Variants in EML4 observed in about 807,000 individuals in gnomAD.
EML4 encodes the protein echinoderm microtubule-associated protein-like 4.
A neutral mutation model predicts 129.0 loss-of-function variants in EML4; 72 were observed. The ratio of observed to expected loss-of-function variants is 0.56; its 90% CI spans 0.46 to 0.68. The LOEUF (loss-of-function observed/expected upper bound fraction) is 0.68, where lower values mean the gene tolerates loss of function less well. EML4 is among the 30% of genes least tolerant of loss of function. The pLI, the probability that EML4 is intolerant of heterozygous loss-of-function variation, is 0.00. For missense variants in EML4, 1,363 were observed against 1,190.6 expected, an observed-to-expected ratio of 1.14 and a Z score of -2.13; for synonymous variants, 532 against 405.0, an observed-to-expected ratio of 1.31 and a Z score of -3.77.
chr2:42,245,700 T>C lies in EML4; in HGVS notation c.208+13T>C. On this transcript the variant is annotated intron_variant, in intron 2 of 22. Transcript: ENST00000318522. ...GTCTCAAGTAAAGGTAATTGTGTTG[T>C]AAAGTTAAAAAGAGTCTTGCTTTTT... 1 of 1,579,298 alleles carries C rather than the reference T, an allele frequency of 6.3e-7. No homozygotes were observed. Among genetic ancestry groups the C allele is most frequent in the Non-Finnish European group, 8.6e-7 (1 of 1,165,684 alleles).
intron 1 of EML4, among the ~76,000 whole-genome samples, chr2:42,205,123 TA>T (rs1458171208): frequency 6.6e-6 from 1 of 152,184 alleles, no homozygotes; most frequent in Non-Finnish European, 1.5e-5. Flanking sequence ...TTATTGGAAA[TA>T]AAATGAAGGG....
Position 42,222,321 on chromosome 2 carries a change from G to A in EML4, c.26-23184G>A, listed in dbSNP as rs371799463. ...GGTTGACAAACTTTAGCACTTTATG[G>A]CAAAATTCACTGTTTTGTATCCTGT... On this transcript the variant is annotated intron_variant, in intron 1 of 22. Transcript: ENST00000318522. Among the ~76,000 whole-genome samples the A allele has an allele frequency of 7.9e-5, 12 of 151,888 alleles. No homozygotes were observed. The East Asian group carries it at 1.7e-3, about 22-fold the overall frequency.
At chr2:42,187,677 A>T (rs2719132) in intron 1 of EML4, among the ~76,000 whole-genome samples, 98,898 of 149,664 alleles carry the variant, frequency 0.66, 32,803 homozygotes, top group East Asian at 0.74. Flanking sequence ...CATTTTTTTT[A>T]AAAAAAAATG....
At chr2:42,218,316 A>G (rs970720833) in intron 1 of EML4, among the ~76,000 whole-genome samples, 1 of 151,842 alleles carries the variant, frequency 6.6e-6, no homozygotes, top group African/African-American at 2.4e-5. Context: ...TTGCAGGAAA[A>G]CAAGCTCAGG....
intron 1 of EML4, among the ~76,000 whole-genome samples, chr2:42,173,084 G>A (rs1329565864): frequency 6.6e-6 from 1 of 152,114 alleles, no homozygotes; most frequent in African/African-American, 2.4e-5. Context: ...CAACATTCTG[G>A]GTACAGGTTG....
chr2:42,221,730 G>C (rs1335899664), intron 1 of EML4, among the ~76,000 whole-genome samples: 1 of 151,586 alleles, frequency 6.6e-6, no homozygotes, highest in Non-Finnish European at 1.5e-5. Flanking sequence ...CAGCCTCCTC[G>C]GTAGCTGGGA....
At chr2:42,282,778 T>C in intron 7 of EML4, 45 bp from the exon 8 acceptor site, 1 of 1,565,440 alleles carries the variant, frequency 6.4e-7, no homozygotes, top group East Asian at 2.2e-5. Context: ...TGTTAACAAC[T>C]TGAAAACTGT....
In EML4 at chr2:42,179,641, C is replaced by T. The variant is rs146180554; in HGVS notation, c.25+10005C>T. Among the ~76,000 whole-genome samples the T allele has an allele frequency of 8.6e-3, 1,302 of 152,212 alleles. 12 individuals are homozygous for T. The highest frequency in any genetic ancestry group is 0.03 in the African/African-American group (1,243 of 41,524). ...GTTTTGAGATGGGGTCTCGCTCTGT[C>T]GCCCAGGCTGGGGTGCGGTGGCATG... On this transcript the variant is annotated intron_variant, in intron 1 of 22. Transcript: ENST00000318522.
At chr2:42,228,919 GTGT>G (rs1257259893) in intron 1 of EML4, among the ~76,000 whole-genome samples, 3 of 152,100 alleles carry the variant, frequency 2.0e-5, no homozygotes, top group African/African-American at 7.2e-5. Flanking sequence ...ATATATCTTT[GTGT>G]TGTTTTCACT....
chr2:42,173,294 T>A (rs1558471560), intron 1 of EML4, among the ~76,000 whole-genome samples: 1 of 152,216 alleles, frequency 6.6e-6, no homozygotes, highest in African/African-American at 2.4e-5. Context: ...CATGTAATAT[T>A]TGGAGAGGTT....
At chr2:42,295,542 T>A (rs764754276) in intron 13 of EML4, 26 bp downstream of exon 13, 2 of 1,599,678 alleles carry the variant, frequency 1.3e-6, no homozygotes, top group African/African-American at 2.7e-5. Flanking sequence ...ATTAAACTCA[T>A]TTCTGGTAAT....
chr2:42,191,778 T>G (rs1671596332), intron 1 of EML4, among the ~76,000 whole-genome samples: 1 of 152,242 alleles, frequency 6.6e-6, no homozygotes, highest in African/African-American at 2.4e-5. Flanking sequence ...TCCCTAGTTT[T>G]GCCGGGCGTG....
chr2:42,247,646 T>C (rs1675498346), intron 2 of EML4, among the ~76,000 whole-genome samples: 1 of 152,152 alleles, frequency 6.6e-6, no homozygotes, highest in Admixed American at 6.5e-5. Context: ...AAGTGTTATA[T>C]TATGCTTGCT....
intron 1 of EML4, among the ~76,000 whole-genome samples, chr2:42,212,830 A>G (rs927093969): frequency 2.0e-5 from 3 of 152,218 alleles, no homozygotes; most frequent in African/African-American, 7.2e-5. Flanking sequence ...AAAAGTAACT[A>G]CTAGAGAAAG....
chr2:42,189,451 A>G (rs934243793), intron 1 of EML4, among the ~76,000 whole-genome samples: 11 of 152,292 alleles, frequency 7.2e-5, no homozygotes, highest in African/African-American at 2.6e-4. Flanking sequence ...GTGGTAGTGC[A>G]TATCTGCAGT....
chr2:42,245,537 G>A lies in EML4; in HGVS notation c.58G>A (p.Val20Ile), dbSNP rs796566064. ...DSISAASTSDVQDRLSALESR... is the reference protein window; with the variant it reads ...DSISAASTSDIQDRLSALESR... ...TATTTCTGCTGCAAGTACTTCTGAT[G>A]TTCAAGATCGCCTGTCAGCTCTTGA... The change falls in exon 2 of 23, where the codon GTT (valine) becomes ATT (isoleucine). Residue 20 changes from valine to isoleucine, a missense_variant. By Grantham distance (29) the Val-to-Ile change is conservative. Transcript: ENST00000318522. 3 of 1,613,500 alleles carry A rather than the reference G, an allele frequency of 1.9e-6. No homozygotes were observed. Among genetic ancestry groups the A allele is most frequent in the Non-Finnish European group, 2.5e-6 (3 of 1,179,684 alleles).
chr2:42,278,652 G>T (rs1036108831), intron 6 of EML4, among the ~76,000 whole-genome samples: 3 of 147,266 alleles, frequency 2.0e-5, no homozygotes, highest in African/African-American at 7.6e-5. Context: ...GTGTAATATT[G>T]CCCAGGCATG....
At chr2:42,292,958 G>A (rs1667735004) in intron 11 of EML4, among the ~76,000 whole-genome samples, 1 of 152,078 alleles carries the variant, frequency 6.6e-6, no homozygotes, top group African/African-American at 2.4e-5. Flanking sequence ...TAACTGTCAT[G>A]TAGTTTTGAT....
chr2:42,254,861 A>G (rs1251037137), intron 2 of EML4, among the ~76,000 whole-genome samples: 3 of 152,204 alleles, frequency 2.0e-5, no homozygotes, highest in Non-Finnish European at 2.9e-5. Context: ...CACTATTCCC[A>G]TTAGCCAAAA....
Sources: allele counts gnomAD v4.1 joint callset (sites outside exome capture counted in the v4.1 genomes callset), GRCh38; gene constraint gnomAD v4.1.1; transcripts MANE v1.5; gene names NCBI Gene and HGNC (gene_info 2026-07-23, HGNC 2026-07-21).